The following B4GALNT1 variants were observed in gnomAD, a reference collection of about 807,000 sequenced individuals.
B4GALNT1 encodes the protein beta-1,4 N-acetylgalactosaminyltransferase 1.
Under a neutral mutation model 55.2 loss-of-function variants are expected in B4GALNT1, and 43 were observed. The observed-to-expected ratio is 0.78, with a 90% CI of 0.61 to 1.00. The LOEUF (loss-of-function observed/expected upper bound fraction) is 1.00. B4GALNT1 is among the 50% of genes least tolerant of loss of function. The pLI, the probability that B4GALNT1 is intolerant of heterozygous loss-of-function variation, is 0.00. For synonymous variants in B4GALNT1, 305 were observed against 311.6 expected (o/e 0.98, Z 0.22); for missense variants, 664 against 729.7 (o/e 0.91, Z 1.04).
At chr12:57,630,617 C>T (rs1474189181) in intron 4 of B4GALNT1, 99 bp from the exon 5 acceptor site, 11 of 1,369,932 alleles carry the variant, frequency 8.0e-6, no homozygotes, top group Admixed American at 2.5e-5. Context: ...GAGAACTTTC[C>T]ACCTATTCTT....
At chr12:57,629,361 T>C in intron 6 of B4GALNT1, 1 of 460,714 alleles carries the variant, frequency 2.2e-6, no homozygotes, top group South Asian at 5.6e-5. Flanking sequence ...ATTGAGCACT[T>C]ACTATGTGCC....
chr12:57,629,840 A>G (rs1235309934), intron 6 of B4GALNT1: 2 of 1,480,090 alleles, frequency 1.4e-6, no homozygotes, highest in Non-Finnish European at 1.8e-6. Context: ...TTTGCCCTCT[A>G]GTAAGGGGTG....
chr12:57,627,436 G>C (rs148023311), intron 10 of B4GALNT1, among the ~76,000 whole-genome samples, 182 bp downstream of exon 10: 1 of 151,880 alleles, frequency 6.6e-6, no homozygotes, highest in East Asian at 1.9e-4. Context: ...AGTATGCGGG[G>C]CTGGGAGAGG....
chr12:57,626,624 G>A lies in B4GALNT1; in HGVS notation c.*120C>T. On this transcript the variant is annotated 3_prime_UTR_variant, in exon 11 of 11. Transcript: ENST00000341156. ...ATCAGGTTCTGAAAAGGAAGAGTGA[G>A]GAACTAGAGGCTCAGGGACAGCCAG... The A allele has an allele frequency of 1.7e-6, 2 of 1,156,486 alleles. No individual in the cohort carries two copies. Among genetic ancestry groups the A allele is most frequent in the South Asian group, 1.4e-5 (1 of 72,480 alleles). The allele number at this position is 1,156,486 out of a possible 1,614,324, so 71.6% of individuals were successfully genotyped here. A position where few individuals can be genotyped will look rare whatever the true frequency, so the allele number is the denominator to read the frequency against.
chr12:57,624,865 G>C lies in B4GALNT1; in HGVS notation c.*1879C>G, dbSNP rs1389587784. The C allele has an allele frequency of 1.9e-6, 3 of 1,613,914 alleles. No homozygotes were observed. Among genetic ancestry groups the C allele is most frequent in the South Asian group, 1.1e-5 (1 of 91,082 alleles). On this transcript the variant is annotated 3_prime_UTR_variant, in exon 11 of 11. Coordinates refer to ENST00000341156, the MANE Select transcript of B4GALNT1 (RefSeq NM_001478.5). ...ATTTCTCTGATCCTTTGACCTCTTA[G>C]CTCCTCCAGGTCCCGGGGCTCTGCA...
intron 4 of B4GALNT1, 33 bp from the exon 5 acceptor site, chr12:57,630,551 A>G: frequency 6.3e-7 from 1 of 1,581,470 alleles, no homozygotes; most frequent in African/African-American, 1.4e-5. Flanking sequence ...TCAGAATCAC[A>G]TAGGCAGCCC....
Position 57,626,654 on chromosome 12 carries a change from G to A in B4GALNT1, c.*90C>T. On this transcript the variant is annotated 3_prime_UTR_variant, in exon 11 of 11. Coordinates refer to ENST00000341156, the MANE Select transcript of B4GALNT1 (RefSeq NM_001478.5). ...TAGAGGCTCAGGGACAGCCAGTAGA[G>A]TGCTCACAGGGTGGTGGGGTTTGTT... The A allele has an allele frequency of 7.0e-7, 1 of 1,431,630 alleles. No individual in the cohort carries two copies. The highest frequency in any genetic ancestry group is 1.2e-5 in the South Asian group (1 of 82,594). The allele number at this position is 1,431,630 out of a possible 1,614,324, so 88.7% of individuals were successfully genotyped here. A position where few individuals can be genotyped will look rare whatever the true frequency, so the allele number is the denominator to read the frequency against.
At chr12:57,627,052 G>T in intron 10 of B4GALNT1, 91 bp from the exon 11 acceptor site, 1 of 1,138,560 alleles carries the variant, frequency 8.8e-7, no homozygotes, top group Non-Finnish European at 1.3e-6. Context: ...GGTGTGGAAA[G>T]TGTGTGTGCA....
intron 10 of B4GALNT1, 21 bp downstream of exon 10, chr12:57,627,597 C>T: frequency 6.4e-7 from 1 of 1,563,866 alleles, no homozygotes; most frequent in Non-Finnish European, 8.7e-7. Context: ...CCAGGGTCGA[C>T]CGGGAGGGGG....
Position 57,625,695 on chromosome 12 carries a change from G to T in B4GALNT1, c.*1049C>A. The stretch of plus-strand genomic sequence containing the variant: ...TTATGCCCTGGGGAGCCTGTTAAGG[G>T]GCAGTAGCACCAGGAGCGGGAGCCA... On this transcript the variant is annotated 3_prime_UTR_variant, in exon 11 of 11. Transcript: ENST00000341156. 6.4e-7 allele frequency: 1 copy of T among 1,554,726 alleles called. No homozygotes were observed.
chr12:57,625,940 T>G lies in B4GALNT1; in HGVS notation c.*804A>C, dbSNP rs1223274377. On this transcript the variant is annotated 3_prime_UTR_variant, in exon 11 of 11. Transcript: ENST00000341156. ...GGGTACCCCTGAGAGGACTGCCACA[T>G]TTCATTAAGGAAGAGGGGTGCCTAA... is the stretch of plus-strand genomic sequence containing the variant. 7.6e-6 allele frequency: 4 copies of G among 524,514 alleles called. No individual in the cohort carries two copies. The highest frequency in any genetic ancestry group is 1.3e-5 in the Non-Finnish European group (4 of 318,908). 32.5% of individuals were successfully genotyped at this position (524,514 alleles called of 1,614,324 possible).
Position 57,626,688 on chromosome 12 carries a change from C to G in B4GALNT1, c.*56G>C, listed in dbSNP as rs932881461. ...GGGTGGTGGGGTTTGTTGGAAATTC[C>G]TGGCAGGGACAAGGAGGCAGGCCCA... On this transcript the variant is annotated 3_prime_UTR_variant, in exon 11 of 11. Coordinates refer to ENST00000341156, the MANE Select transcript of B4GALNT1 (RefSeq NM_001478.5). 3.8e-5 allele frequency: 61 copies of G among 1,598,758 alleles called. No homozygotes were observed. The highest frequency in any genetic ancestry group is 1.1e-4 in the South Asian group (10 of 90,200).
intron 6 of B4GALNT1, chr12:57,629,891 TCCTGGGG>T: frequency 6.5e-7 from 1 of 1,532,842 alleles, no homozygotes. Context: ...ACAAGTCTCT[TCCTGGGG>T]CCCCCCACAG....
intron 8 of B4GALNT1, chr12:57,628,483 C>T: frequency 2.5e-6 from 2 of 813,046 alleles, no homozygotes; most frequent in Non-Finnish European, 3.8e-6. Flanking sequence ...TTTATTTATT[C>T]ATTCATCAGC....
chr12:57,626,749 G>A lies in B4GALNT1; in HGVS notation c.1597C>T (p.Gln533Ter), dbSNP rs1221866971. The A allele has an allele frequency of 1.9e-6, 3 of 1,614,066 alleles. No individual in the cohort carries two copies. The highest frequency in any genetic ancestry group is 2.2e-5 in the South Asian group (2 of 91,080). ...CAGAAATCCCCAGCGGGCCATCACT[G>A]GGAGGTCATGCACTGCAGCCGGTGT... ...FKHRLQCMTS[Q>*] The change falls in exon 11 of 11, where the codon CAG (glutamine) becomes TAG (stop). Residue 533 changes from glutamine (Q) to a stop codon, truncating the protein, a stop_gained. Transcript: ENST00000341156. LOFTEE classifies it high-confidence loss of function.
In B4GALNT1 at chr12:57,631,265, A is replaced by G; in HGVS notation, c.318T>C (p.Phe106=). The change falls in exon 3 of 11, where the codon TTT becomes TTC. Residue 106 remains phenylalanine, a synonymous_variant. Transcript: ENST00000341156. ...AGGCAGCCCTCAGCTCTGCAGGGTC[A>G]AAGGCCTTGGTGAGGTCAATAGCTC... is the stretch of plus-strand genomic sequence containing the variant. ...QVRAIDLTKA[F]DPAELRAASA... 6.2e-7 allele frequency: 1 copy of G among 1,614,158 alleles called. No individual in the cohort carries two copies. Among genetic ancestry groups the G allele is most frequent in the Non-Finnish European group, 8.5e-7 (1 of 1,180,020 alleles).
In B4GALNT1 at chr12:57,623,701, G is replaced by T; in HGVS notation, c.*3043C>A. On this transcript the variant is annotated 3_prime_UTR_variant, in exon 11 of 11. Transcript: ENST00000341156. ...GATGTGAATGGCAGAATATTAAGAAGGGGGTTGTGTGGAAGGAGATTTGGG... is the reference window on the plus strand; with the variant it reads ...GATGTGAATGGCAGAATATTAAGAATGGGGTTGTGTGGAAGGAGATTTGGG... 1 of 695,202 alleles carries T rather than the reference G, an allele frequency of 1.4e-6. No homozygotes were observed. Among genetic ancestry groups the T allele is most frequent in the East Asian group, 2.6e-5 (1 of 38,894 alleles). The allele number at this position is 695,202 out of a possible 1,614,324, so 43.1% of individuals were successfully genotyped here. A position where few individuals can be genotyped will look rare whatever the true frequency, so the allele number is the denominator to read the frequency against.
In B4GALNT1 at chr12:57,627,680, G is replaced by T. The variant is rs563575730; in HGVS notation, c.1322C>A (p.Ala441Glu). 2 of 1,611,986 alleles carry T rather than the reference G, an allele frequency of 1.2e-6. No individual in the cohort carries two copies. Among genetic ancestry groups the T allele is most frequent in the East Asian group, 2.2e-5 (1 of 44,816 alleles). ...GACCTCGCGCACCTTGTCAGTCCGC[G>T]CCAGGAAGAAGTTAACCACGCCGTC... The part of the protein sequence containing the change: ...VTDGVVNFFL[A>E]RTDKVREVGF... Residue 441 changes from alanine (A) to glutamate (E), a missense_variant, in exon 10 of 11, where the codon GCG (alanine) becomes GAG (glutamate). Coordinates refer to ENST00000341156, the MANE Select transcript of B4GALNT1 (RefSeq NM_001478.5).
rs1375361173 is a variant in B4GALNT1, at chr12:57,623,450, C to T, written c.*3294G>A. On this transcript the variant is annotated 3_prime_UTR_variant, in exon 11 of 11. Transcript: ENST00000341156. ...AATTCTTATTTTTTTCACACAATGA[C>T]ATTGTCTTTTAAAAGGAATATCACA... 2.2e-6 allele frequency: 1 copy of T among 457,354 alleles called. No individual in the cohort carries two copies. The highest frequency in any genetic ancestry group is 3.9e-6 in the Non-Finnish European group (1 of 258,672). 28.3% of individuals were successfully genotyped at this position (457,354 alleles called of 1,614,324 possible).
Sources: allele counts gnomAD v4.1 joint callset (sites outside exome capture counted in the v4.1 genomes callset), GRCh38; gene constraint gnomAD v4.1.1; transcripts MANE v1.5; gene names NCBI Gene and HGNC (gene_info 2026-07-23, HGNC 2026-07-21).